DENND1B: variants seen among roughly 807,000 people sequenced by gnomAD.
The protein encoded by DENND1B is DENN domain containing 1B.
In DENND1B, 59 loss-of-function variants were observed where a neutral mutation model predicts 90.1. That is an observed-to-expected ratio of 0.65 (90% CI 0.53 to 0.81). DENND1B has a LOEUF of 0.81. Ranked by LOEUF, DENND1B falls within the 40% of genes least tolerant of loss-of-function variation. The pLI, the probability that DENND1B is intolerant of heterozygous loss-of-function variation, is 0.00. For missense variants in DENND1B, 862 were observed against 912.6 expected (o/e 0.94, Z 0.71); for synonymous variants, 337 against 324.6 (o/e 1.04, Z -0.41).
intron 6 of DENND1B, among the ~76,000 whole-genome samples, chr1:197,653,518 T>C (rs1653469657): frequency 6.6e-6 from 1 of 152,084 alleles, no homozygotes; most frequent in Non-Finnish European, 1.5e-5. Context: ...ACTGTAAAAG[T>C]TACTTAAATA....
chr1:197,517,816 C>T (rs1668505354), intron 20 of DENND1B, among the ~76,000 whole-genome samples: 1 of 151,848 alleles, frequency 6.6e-6, no homozygotes, highest in Admixed American at 6.6e-5. Context: ...ACTAAACCGT[C>T]TCCTTCTCTT....
At chr1:197,617,261 A>C (rs1434216904) in intron 11 of DENND1B, among the ~76,000 whole-genome samples, 1 of 151,126 alleles carries the variant, frequency 6.6e-6, no homozygotes, top group Non-Finnish European at 1.5e-5. Flanking sequence ...AAAGGTAACA[A>C]GAGTATGCCC....
At chr1:197,581,309 A>G (rs1213274835) in intron 15 of DENND1B, among the ~76,000 whole-genome samples, 3 of 152,174 alleles carry the variant, frequency 2.0e-5, no homozygotes, top group Admixed American at 2.0e-4. Flanking sequence ...AAGACAGCCA[A>G]TTTGTGCAAG....
intron 10 of DENND1B, among the ~76,000 whole-genome samples, chr1:197,638,699 A>G (rs1572154442): frequency 6.6e-6 from 1 of 152,202 alleles, no homozygotes; most frequent in African/African-American, 2.4e-5. Context: ...CTTTGAATAC[A>G]CGAGAATCTA....
intron 1 of DENND1B, 130 bp downstream of exon 1, chr1:197,775,009 C>G (rs921157020): frequency 3.9e-5 from 21 of 543,330 alleles, no homozygotes; most frequent in Admixed American, 1.0e-4. Flanking sequence ...GGACCGCACC[C>G]CCAGCCCGCC....
intron 2 of DENND1B, among the ~76,000 whole-genome samples, chr1:197,742,914 A>T (rs1176763393): frequency 6.6e-6 from 1 of 152,152 alleles, no homozygotes; most frequent in Non-Finnish European, 1.5e-5. Context: ...GGTCACATAG[A>T]ACCAAGAGAC....
chr1:197,681,749 C>T (rs965979434), intron 3 of DENND1B, among the ~76,000 whole-genome samples: 2 of 152,074 alleles, frequency 1.3e-5, no homozygotes, highest in African/African-American at 4.8e-5. Flanking sequence ...TACATTTCTC[C>T]TCAGTCTTGT....
chr1:197,600,660 G>A, intron 13 of DENND1B, among the ~76,000 whole-genome samples: 1 of 151,814 alleles, frequency 6.6e-6, no homozygotes, highest in Non-Finnish European at 1.5e-5. Context: ...AGCTTAGCTT[G>A]TACCCTAATA....
intron 19 of DENND1B, among the ~76,000 whole-genome samples, chr1:197,540,389 T>C (rs532435655): frequency 6.6e-6 from 1 of 152,088 alleles, no homozygotes; most frequent in South Asian, 2.1e-4. Context: ...CACTGGAAGA[T>C]TTAAGTAGTA....
chr1:197,538,591 T>C (rs1403081193), intron 20 of DENND1B, among the ~76,000 whole-genome samples: 1 of 151,904 alleles, frequency 6.6e-6, no homozygotes, highest in African/African-American at 2.4e-5. Context: ...GTTTTCCTTT[T>C]ATATATACCT....
In DENND1B at chr1:197,719,911, A is replaced by C. The variant is rs77023975; in HGVS notation, c.83-4837T>G. Among the ~76,000 whole-genome samples, 1,277 of 152,330 alleles carry C rather than the reference A, an allele frequency of 8.4e-3. 19 individuals are homozygous for C. Among genetic ancestry groups the C allele is most frequent in the African/African-American group, 0.028 (1,173 of 41,570 alleles). On this transcript the variant is annotated intron_variant, in intron 2 of 22. Transcript: ENST00000620048. ...CATATAACTGAAGACTGTAGGATTCAGAAATAAGATGACATAAATAAATGG... is the reference window on the plus strand; with the variant it reads ...CATATAACTGAAGACTGTAGGATTCCGAAATAAGATGACATAAATAAATGG...
chr1:197,662,626 CAT>C (rs960293861), intron 5 of DENND1B, among the ~76,000 whole-genome samples: 28 of 152,080 alleles, frequency 1.8e-4, no homozygotes, highest in Middle Eastern at 3.4e-3. Context: ...AGGTTTGTTA[CAT>C]GTGTGTGTAT....
Position 197,505,022 on chromosome 1 carries a change from T to C in DENND1B, c.*5438A>G, listed in dbSNP as rs538300580. On this transcript the variant is annotated 3_prime_UTR_variant, in exon 23 of 23. Transcript: ENST00000620048. The stretch of plus-strand genomic sequence containing the variant: ...GCTCAGGGTTTTCAGTCCTTTTAAA[T>C]AGTTTTTCATCTAACGCAAGAGAAA... 1.3e-5 allele frequency: 2 copies of C among 151,874 alleles called. No individual in the cohort carries two copies. The highest frequency in any genetic ancestry group is 2.1e-4 in the South Asian group (1 of 4,822). 9.4% of individuals were successfully genotyped at this position (151,874 alleles called of 1,614,324 possible). A position where few individuals can be genotyped will look rare whatever the true frequency, so the allele number is the denominator to read the frequency against.
At chr1:197,742,109 T>C (rs1391568538) in intron 2 of DENND1B, among the ~76,000 whole-genome samples, 1 of 152,202 alleles carries the variant, frequency 6.6e-6, no homozygotes, top group East Asian at 1.9e-4. Context: ...CAAGTCTTGG[T>C]CGATACCATC....
intron 20 of DENND1B, among the ~76,000 whole-genome samples, chr1:197,537,926 T>C (rs1670037894): frequency 1.3e-5 from 2 of 152,068 alleles, no homozygotes; most frequent in African/African-American, 4.8e-5. Flanking sequence ...TTTGAGGTGA[T>C]GGATATGTTA....
At chr1:197,545,564 CT>C (rs71286566) in intron 18 of DENND1B, 2,009 of 183,930 alleles carry the variant, frequency 0.011, 15 homozygotes, top group African/African-American at 0.028. Flanking sequence ...CTATATTTTT[CT>C]TTTTTTTTTT....
At chr1:197,678,058 C>A (rs920574740) in intron 3 of DENND1B, among the ~76,000 whole-genome samples, 1 of 152,154 alleles carries the variant, frequency 6.6e-6, no homozygotes, top group Admixed American at 6.5e-5. Context: ...TTTCCCATTA[C>A]ATTTAATTAG....
chr1:197,652,181 C>T (rs1572199863), intron 7 of DENND1B, 54 bp downstream of exon 7: 15 of 1,502,576 alleles, frequency 1.0e-5, no homozygotes, highest in South Asian at 2.3e-5. Context: ...GTGCTCTTAA[C>T]GAAATTGAGA....
chr1:197,627,884 AACAG>A (rs1678923876), intron 10 of DENND1B, among the ~76,000 whole-genome samples: 2 of 151,842 alleles, frequency 1.3e-5, no homozygotes, highest in African/African-American at 2.4e-5. Context: ...ATACACCAAT[AACAG>A]ACAGACAGCG....
Sources: allele counts gnomAD v4.1 joint callset (sites outside exome capture counted in the v4.1 genomes callset), GRCh38; gene constraint gnomAD v4.1.1; transcripts MANE v1.5; gene names NCBI Gene and HGNC (gene_info 2026-07-23, HGNC 2026-07-21).